Variants in PTPRM observed in about 807,000 individuals in gnomAD.
The protein encoded by PTPRM is receptor-type tyrosine-protein phosphatase mu.
In PTPRM, 47 loss-of-function variants were observed where a neutral mutation model predicts 186.7. The observed-to-expected ratio is 0.25, with a 90% CI of 0.20 to 0.32. The LOEUF is 0.32. PTPRM is among the 10% of genes least tolerant of loss of function. The pLI is 1.00. For missense variants in PTPRM, 1,494 were observed against 1,865.0 expected (o/e 0.80, Z 3.66); for synonymous variants, 668 against 674.9 (o/e 0.99, Z 0.16).
chr18:7,673,043 C>G (rs957785144), intron 1 of PTPRM, among the ~76,000 whole-genome samples: 1 of 152,208 alleles, frequency 6.6e-6, no homozygotes, highest in African/African-American at 2.4e-5. Flanking sequence ...GGGCTTCTTT[C>G]TAACCTATAT....
At chr18:7,851,761 G>T (rs1311625510) in intron 2 of PTPRM, among the ~76,000 whole-genome samples, 1 of 152,152 alleles carries the variant, frequency 6.6e-6, no homozygotes, top group Non-Finnish European at 1.5e-5. Context: ...AGGGAATAAG[G>T]AGCGGTGGCA....
At chr18:8,030,999 T>C (rs2085930031) in intron 7 of PTPRM, among the ~76,000 whole-genome samples, 1 of 152,352 alleles carries the variant, frequency 6.6e-6, no homozygotes, top group Non-Finnish European at 1.5e-5. Flanking sequence ...GATCTTTTTC[T>C]CCATTTTTGG....
chr18:8,160,025 TTGAAA>T lies in PTPRM; in HGVS notation c.2300+16251_2300+16255del, dbSNP rs560595868. On this transcript the variant is annotated intron_variant, in intron 14 of 32. Coordinates refer to ENST00000580170, the MANE Select transcript of PTPRM (RefSeq NM_001105244.2). ...TTAAAAATTTAATATATTAAAATAG[TTGAAA>T]TGAATAGGAGTACCTTTAAATTCAG... 3.2e-3 allele frequency among the ~76,000 whole-genome samples: 492 copies of T among 152,166 alleles called. 2 individuals carry two copies. Among genetic ancestry groups the T allele is most frequent in the African/African-American group, 0.011 (473 of 41,540 alleles).
At chr18:8,028,000 C>T (rs181877702) in intron 7 of PTPRM, among the ~76,000 whole-genome samples, 85 of 151,878 alleles carry the variant, frequency 5.6e-4, no homozygotes, top group Non-Finnish European at 1.1e-3. Context: ...TTCATTGTTT[C>T]TTTCTTTTTT....
At chr18:7,884,117 A>T (rs1002971877) in intron 2 of PTPRM, among the ~76,000 whole-genome samples, 8 of 152,184 alleles carry the variant, frequency 5.3e-5, no homozygotes, top group Non-Finnish European at 1.2e-4. Flanking sequence ...ACTGCACTCC[A>T]GCCTGGGGGA....
chr18:7,955,828 T>C (rs541300854), intron 7 of PTPRM, among the ~76,000 whole-genome samples: 10 of 152,292 alleles, frequency 6.6e-5, no homozygotes, highest in Non-Finnish European at 1.3e-4. Context: ...GATTCCATCT[T>C]AGAGATAGCC....
At chr18:8,388,664 T>C (rs2095793002) in intron 31 of PTPRM, among the ~76,000 whole-genome samples, 1 of 152,180 alleles carries the variant, frequency 6.6e-6, no homozygotes, top group South Asian at 2.1e-4. Context: ...ACCCAGTGCA[T>C]TAAAAAATCT....
At chr18:7,864,186 AGC>A (rs2047546283) in intron 2 of PTPRM, among the ~76,000 whole-genome samples, 1 of 152,130 alleles carries the variant, frequency 6.6e-6, no homozygotes, top group Non-Finnish European at 1.5e-5. Context: ...GCTGCGCAGA[AGC>A]TCTTTAGTTT....
At chr18:7,763,468 G>A (rs1301490706) in intron 1 of PTPRM, among the ~76,000 whole-genome samples, 1 of 152,108 alleles carries the variant, frequency 6.6e-6, no homozygotes, top group African/African-American at 2.4e-5. Context: ...TTGATATGAA[G>A]ACTGCATATC....
intron 1 of PTPRM, among the ~76,000 whole-genome samples, chr18:7,659,404 G>C (rs1044500490): frequency 1.3e-5 from 2 of 152,100 alleles, no homozygotes; most frequent in South Asian, 4.1e-4. Context: ...ACTGTCTACA[G>C]CATCACCACA....
At chr18:8,088,944 A>G in intron 11 of PTPRM, 93 bp downstream of exon 11, 1 of 950,894 alleles carries the variant, frequency 1.1e-6, no homozygotes, top group South Asian at 1.5e-5. Flanking sequence ...ATTTGCTGCA[A>G]ATCTCAGCCA....
In PTPRM at chr18:8,223,030, CCT is replaced by C. The variant is rs544572733; in HGVS notation, c.2301-21027_2301-21026del. 1.6e-3 allele frequency among the ~76,000 whole-genome samples: 244 copies of C among 152,228 alleles called. 5 individuals carry two copies. The East Asian group carries it at 0.023, about 14-fold the overall frequency. ...CCTGAGGTCAGGAGTTCGAGACCAG[CCT>C]GGTCAACATTGCGAAACCCCGTCTC... is the stretch of plus-strand genomic sequence containing the variant. On this transcript the variant is annotated intron_variant, in intron 14 of 32. Coordinates refer to ENST00000580170, the MANE Select transcript of PTPRM (RefSeq NM_001105244.2).
chr18:8,349,744 A>G (rs1422619288), intron 23 of PTPRM, among the ~76,000 whole-genome samples: 1 of 152,194 alleles, frequency 6.6e-6, no homozygotes, highest in Non-Finnish European at 1.5e-5. Context: ...AACAAATTTC[A>G]TTTTGTACTC....
At chr18:7,634,680 A>G (rs1028373631) in intron 1 of PTPRM, among the ~76,000 whole-genome samples, 1 of 152,122 alleles carries the variant, frequency 6.6e-6, no homozygotes, top group Admixed American at 6.5e-5. Flanking sequence ...CTCTTTTGTT[A>G]TTCTTGTAAA....
intron 7 of PTPRM, among the ~76,000 whole-genome samples, chr18:7,965,331 C>A (rs2053962816): frequency 6.6e-6 from 1 of 152,122 alleles, no homozygotes; most frequent in Non-Finnish European, 1.5e-5. Flanking sequence ...CATGCATGTG[C>A]CACCTCACCC....
intron 1 of PTPRM, among the ~76,000 whole-genome samples, chr18:7,571,817 G>A (rs150683926): frequency 1.8e-3 from 267 of 152,238 alleles, no homozygotes; most frequent in African/African-American, 6.2e-3. Context: ...TAACATTAGG[G>A]GGAAGCTGGG....
chr18:7,609,196 G>A (rs190087000), intron 1 of PTPRM, among the ~76,000 whole-genome samples: 119 of 152,282 alleles, frequency 7.8e-4, no homozygotes, highest in Admixed American at 1.2e-3. Context: ...CTGCCCAGCC[G>A]TCTGTCTTTC....
At chr18:8,314,994 A>G (rs2095298059) in intron 21 of PTPRM, 137 bp downstream of exon 21, 4 of 544,484 alleles carry the variant, frequency 7.3e-6, no homozygotes. Context: ...CCATTCTGAC[A>G]TGTACCAGAT....
chr18:8,172,327 T>C (rs936037082), intron 14 of PTPRM, among the ~76,000 whole-genome samples: 1 of 150,320 alleles, frequency 6.7e-6, no homozygotes, highest in African/African-American at 2.4e-5. Flanking sequence ...TCATTCAGGG[T>C]ATAGATGATC....
Sources: allele counts gnomAD v4.1 joint callset (sites outside exome capture counted in the v4.1 genomes callset), GRCh38; gene constraint gnomAD v4.1.1; transcripts MANE v1.5; gene names NCBI Gene and HGNC (gene_info 2026-07-23, HGNC 2026-07-21).